KCNS3: variants seen among roughly 807,000 people sequenced by gnomAD.
KCNS3 encodes the protein delayed-rectifier potassium channel regulatory subunit KCNS3.
A neutral mutation model predicts 31.0 loss-of-function variants in KCNS3; 13 were observed. The ratio of observed to expected loss-of-function variants is 0.42; its 90% CI spans 0.27 to 0.67. The LOEUF (loss-of-function observed/expected upper bound fraction) is 0.67. Ranked by LOEUF, KCNS3 falls within the 30% of genes least tolerant of loss-of-function variation. KCNS3 has a pLI of 0.25. For missense variants in KCNS3, 545 were observed against 622.4 expected, an observed-to-expected ratio of 0.88 and a Z score of 1.32; for synonymous variants, 238 against 241.5, an observed-to-expected ratio of 0.99 and a Z score of 0.13.
chr2:17,880,398 C>T (rs1304973345), intron 1 of KCNS3, among the ~76,000 whole-genome samples: 2 of 152,232 alleles, frequency 1.3e-5, no homozygotes, highest in African/African-American at 4.8e-5. Context: ...TTTCTGCACC[C>T]AGTCTAGTCT....
At chr2:17,925,699 C>T (rs1399319719) in intron 2 of KCNS3, among the ~76,000 whole-genome samples, 4 of 152,082 alleles carry the variant, frequency 2.6e-5, no homozygotes, top group Admixed American at 2.6e-4. Context: ...GGAAACTGCC[C>T]CCATGATCCA....
At position 17,913,067 on chromosome 2, in the gene KCNS3, T is replaced by A. The variant is rs528892492; in HGVS notation, c.-251-4613T>A. On this transcript the variant is annotated intron_variant, in intron 1 of 2. Transcript: ENST00000304101. ...TGCTTTGGATTATAGGATTTAAATA[T>A]CAGTACATTTTTTTTCTAGCACACT... Among the ~76,000 whole-genome samples the A allele has an allele frequency of 4.6e-5, 7 of 152,328 alleles. 1 individual carries two copies. In the South Asian group the frequency reaches 1.4e-3, roughly 32 times the overall value.
chr2:17,881,532 A>G (rs988089112), intron 1 of KCNS3, among the ~76,000 whole-genome samples: 1 of 152,222 alleles, frequency 6.6e-6, no homozygotes, highest in East Asian at 1.9e-4. Flanking sequence ...AAGCTTTTAC[A>G]TGTATGAACT....
intron 1 of KCNS3, among the ~76,000 whole-genome samples, chr2:17,913,910 C>T (rs1182924307): frequency 6.6e-6 from 1 of 152,102 alleles, no homozygotes; most frequent in Non-Finnish European, 1.5e-5. Flanking sequence ...AATGGGACAG[C>T]CTCCACAAGA....
chr2:17,907,766 T>G (rs1476442672), intron 1 of KCNS3, among the ~76,000 whole-genome samples: 2 of 152,184 alleles, frequency 1.3e-5, no homozygotes, highest in Non-Finnish European at 1.5e-5. Flanking sequence ...ATTCTTTTCC[T>G]TAAGAATGTT....
At chr2:17,884,701 G>C (rs1041560637) in intron 1 of KCNS3, among the ~76,000 whole-genome samples, 2 of 152,156 alleles carry the variant, frequency 1.3e-5, no homozygotes, top group African/African-American at 4.8e-5. Flanking sequence ...GCTGAGGTTA[G>C]GGATGTGAGT....
intron 1 of KCNS3, among the ~76,000 whole-genome samples, chr2:17,915,461 A>G (rs950713462): frequency 6.6e-6 from 1 of 152,134 alleles, no homozygotes; most frequent in African/African-American, 2.4e-5. Context: ...CACTCCCCCC[A>G]ATCCCTGCTT....
At chr2:17,897,614 G>A (rs1222369828) in intron 1 of KCNS3, among the ~76,000 whole-genome samples, 1 of 152,092 alleles carries the variant, frequency 6.6e-6, no homozygotes, top group Non-Finnish European at 1.5e-5. Context: ...AGAAGTGTCT[G>A]TTAATGGGGT....
At chr2:17,916,523 C>T (rs11096498) in intron 1 of KCNS3, among the ~76,000 whole-genome samples, 1 of 151,998 alleles carries the variant, frequency 6.6e-6, no homozygotes, top group African/African-American at 2.4e-5. Context: ...GCTTCTGGAT[C>T]TTTCTTCAGT....
intron 2 of KCNS3, chr2:17,919,259 G>C (rs1662659245): frequency 6.6e-6 from 1 of 152,214 alleles, no homozygotes; most frequent in South Asian, 2.1e-4. Context: ...TAGTTGGTGG[G>C]AGTAAGAGAA....
intron 1 of KCNS3, among the ~76,000 whole-genome samples, chr2:17,917,007 T>A (rs1220393490): frequency 1.3e-5 from 2 of 152,192 alleles, no homozygotes; most frequent in Non-Finnish European, 2.9e-5. Flanking sequence ...AACTGGATTT[T>A]TTTTGCCTTT....
chr2:17,932,224 T>C lies in KCNS3; in HGVS notation c.1216T>C (p.Phe406Leu), dbSNP rs780940477. The change falls in exon 3 of 3, where the codon TTC (phenylalanine) becomes CTC (leucine). Residue 406 changes from phenylalanine to leucine, a missense_variant. Coordinates refer to ENST00000304101, the MANE Select transcript of KCNS3 (RefSeq NM_002252.5). ...LVVALPITII[F>L]NKFSKYYQKQ... ...GGTGGCCCTTCCCATCACCATCATC[T>C]TCAACAAGTTTTCCAAGTACTACCA... 1 of 1,613,978 alleles carries C rather than the reference T, an allele frequency of 6.2e-7. No homozygotes were observed.
chr2:17,910,817 G>A (rs1662455712), intron 1 of KCNS3, among the ~76,000 whole-genome samples: 2 of 151,986 alleles, frequency 1.3e-5, no homozygotes, highest in African/African-American at 4.8e-5. Flanking sequence ...TCTTACTTTG[G>A]TATTCCTAAT....
chr2:17,915,900 T>C (rs1434411523), intron 1 of KCNS3, among the ~76,000 whole-genome samples: 1 of 151,998 alleles, frequency 6.6e-6, no homozygotes, highest in Non-Finnish European at 1.5e-5. Flanking sequence ...CTGAGTTTTG[T>C]GGGGAGGGAG....
intron 2 of KCNS3, chr2:17,919,309 T>A (rs1662660100): frequency 6.6e-6 from 1 of 152,184 alleles, no homozygotes; most frequent in African/African-American, 2.4e-5. Context: ...AAGGTAGAAA[T>A]ACCATTATAT....
At chr2:17,916,606 C>G (rs1662591352) in intron 1 of KCNS3, among the ~76,000 whole-genome samples, 1 of 152,176 alleles carries the variant, frequency 6.6e-6, no homozygotes, top group Non-Finnish European at 1.5e-5. Context: ...TCTGCTGTTG[C>G]TGGGACAACT....
intron 1 of KCNS3, among the ~76,000 whole-genome samples, chr2:17,885,449 A>G (rs1024308690): frequency 1.3e-5 from 2 of 152,240 alleles, no homozygotes; most frequent in Non-Finnish European, 2.9e-5. Flanking sequence ...ATGTGTAGAA[A>G]GAGATTTATT....
At chr2:17,917,136 AC>A (rs1360123986) in intron 1 of KCNS3, among the ~76,000 whole-genome samples, 2 of 152,290 alleles carry the variant, frequency 1.3e-5, no homozygotes, top group African/African-American at 4.8e-5. Flanking sequence ...CTGTGATTGC[AC>A]CTGTGTCATT....
intron 1 of KCNS3, among the ~76,000 whole-genome samples, chr2:17,892,260 C>T (rs1276317773): frequency 6.7e-6 from 1 of 148,270 alleles, no homozygotes; most frequent in Admixed American, 6.9e-5. Flanking sequence ...AAAAGTGGGT[C>T]TGAAGTTTCC....
Sources: gnomAD v4.1 joint callset for allele counts (sites outside exome capture counted in the v4.1 genomes callset) on GRCh38, gnomAD v4.1.1 for gene constraint, MANE v1.5 for transcripts, NCBI Gene and HGNC (gene_info 2026-07-23, HGNC 2026-07-21) for gene names.